The following GMPR variants were observed in gnomAD, a reference collection of about 807,000 sequenced individuals.
The protein encoded by GMPR is GMP reductase 1.
A neutral mutation model predicts 38.4 loss-of-function variants in GMPR; 31 were observed. The ratio of observed to expected loss-of-function variants is 0.81; its 90% CI spans 0.61 to 1.09. The LOEUF is 1.09. Ranked by LOEUF, GMPR falls within the 50% of genes least tolerant of loss-of-function variation. The probability of loss-of-function intolerance (pLI) is 0.00; values close to 1 mark genes in which losing one functional copy is unlikely to be tolerated. For missense variants in GMPR, 468 were observed against 453.7 expected, an observed-to-expected ratio of 1.03 and a Z score of -0.29; for synonymous variants, 162 against 173.3, an observed-to-expected ratio of 0.93 and a Z score of 0.51.
At chr6:16,267,429 C>G (rs566009900) in intron 4 of GMPR, among the ~76,000 whole-genome samples, 134 of 151,968 alleles carry the variant, frequency 8.8e-4, no homozygotes, top group African/African-American at 2.9e-3. Context: ...CTGAAGTCAG[C>G]GAGACCACGA....
At chr6:16,292,426 A>T (rs1358014343) in intron 8 of GMPR, among the ~76,000 whole-genome samples, 2 of 152,094 alleles carry the variant, frequency 1.3e-5, no homozygotes, top group Non-Finnish European at 2.9e-5. Context: ...AAGATATTAT[A>T]GTATGGGAAA....
intron 7 of GMPR, among the ~76,000 whole-genome samples, chr6:16,288,335 G>T (rs1393790524): frequency 3.9e-5 from 6 of 152,244 alleles, no homozygotes; most frequent in Admixed American, 6.5e-5. Context: ...GGCTTGGCAG[G>T]CCCTGCACTC....
chr6:16,257,671 G>A (rs1759006666), intron 4 of GMPR, among the ~76,000 whole-genome samples: 1 of 152,178 alleles, frequency 6.6e-6, no homozygotes, highest in African/African-American at 2.4e-5. Flanking sequence ...AGTTCTGGAG[G>A]CTGGAATTCC....
At chr6:16,246,445 C>G (rs184696595) in intron 1 of GMPR, among the ~76,000 whole-genome samples, 3 of 152,104 alleles carry the variant, frequency 2.0e-5, no homozygotes, top group South Asian at 2.1e-4. Flanking sequence ...GAGTGTGGCT[C>G]TAGGTGAAAG....
chr6:16,291,046 G>T (rs1429008580), intron 8 of GMPR, among the ~76,000 whole-genome samples: 1 of 152,106 alleles, frequency 6.6e-6, no homozygotes, highest in Admixed American at 6.5e-5. Flanking sequence ...CCATAGGTGT[G>T]GTCTAGACCA....
Position 16,285,867 on chromosome 6 carries a change from A to C in GMPR, c.697+32A>C, listed in dbSNP as rs756072496. The C allele has an allele frequency of 1.5e-5, 23 of 1,550,432 alleles. No individual in the cohort carries two copies. In the South Asian group the frequency reaches 2.4e-4, roughly 16 times the overall value. ...CCGGGCCCTGGTGCAGAGGGAGGGAAGGAAGGAAGGAGGGAGCTCCCTACA... is the reference window on the plus strand; with the variant it reads ...CCGGGCCCTGGTGCAGAGGGAGGGACGGAAGGAAGGAGGGAGCTCCCTACA... On this transcript the variant is annotated intron_variant, in intron 7 of 8. Transcript: ENST00000259727.
rs1281037036 is a variant in GMPR, at chr6:16,274,447, AGAG to A, written c.499_501del (p.Glu167del). On this transcript the variant is annotated inframe_deletion, in exon 5 of 9. Coordinates refer to ENST00000259727, the MANE Select transcript of GMPR (RefSeq NM_006877.4). ...ACGTGGTGACAGGAGAAATGGTAGA[AGAG>A]CTTATTCTTTCCGGAGCAGATATCA... The A allele has an allele frequency of 3.1e-6, 5 of 1,610,020 alleles. No individual in the cohort carries two copies. The South Asian group carries it at 5.5e-5, about 18-fold the overall frequency.
intron 7 of GMPR, among the ~76,000 whole-genome samples, chr6:16,289,224 C>G (rs1172810295): frequency 1.3e-5 from 2 of 152,184 alleles, no homozygotes; most frequent in East Asian, 3.8e-4. Context: ...AAAGCCTCAG[C>G]CGCGCCACCT....
intron 8 of GMPR, among the ~76,000 whole-genome samples, chr6:16,292,653 TC>T (rs1759862207): frequency 6.6e-6 from 1 of 152,154 alleles, no homozygotes; most frequent in South Asian, 2.1e-4. Context: ...TGCACATGTG[TC>T]CTCTGTGCCA....
At chr6:16,274,973 A>C (rs16877783) in intron 5 of GMPR, among the ~76,000 whole-genome samples, 11,487 of 152,140 alleles carry the variant, frequency 0.076, 771 homozygotes, top group African/African-American at 0.18. Flanking sequence ...ACCTTTGGTT[A>C]CTCACCTGAT....
chr6:16,277,213 A>T (rs1759488593), intron 5 of GMPR, among the ~76,000 whole-genome samples: 1 of 152,148 alleles, frequency 6.6e-6, no homozygotes, highest in African/African-American at 2.4e-5. Context: ...GAGCTACAGG[A>T]CTTCTGTGGA....
intron 4 of GMPR, chr6:16,263,336 G>T (rs1168920942): frequency 1.3e-5 from 2 of 151,952 alleles, no homozygotes; most frequent in Admixed American, 1.3e-4. Flanking sequence ...TGTCGAGTTT[G>T]TATTGGGGTC....
chr6:16,270,304 G>T (rs774942527), intron 4 of GMPR, among the ~76,000 whole-genome samples: 7 of 152,176 alleles, frequency 4.6e-5, no homozygotes, highest in Non-Finnish European at 8.8e-5. Context: ...GCCTGCCTCA[G>T]TGCTCTGGAC....
intron 5 of GMPR, 30 bp from the exon 6 acceptor site, chr6:16,278,754 T>C (rs1339374291): frequency 7.0e-7 from 1 of 1,436,530 alleles, no homozygotes. Flanking sequence ...TATAACCATC[T>C]ATTTGGGGAC....
intron 7 of GMPR, among the ~76,000 whole-genome samples, chr6:16,287,652 G>T (rs1190003290): frequency 6.6e-6 from 1 of 152,232 alleles, no homozygotes; most frequent in Non-Finnish European, 1.5e-5. Flanking sequence ...TGCCGCAGAG[G>T]TGCTGTGCTC....
At chr6:16,279,828 T>C (rs1759545396) in intron 6 of GMPR, among the ~76,000 whole-genome samples, 1 of 152,152 alleles carries the variant, frequency 6.6e-6, no homozygotes, top group African/African-American at 2.4e-5. Context: ...TAGGGAGCTA[T>C]TGCAGAGGTC....
chr6:16,238,620 G>C lies in GMPR; in HGVS notation c.-74G>C, dbSNP rs1172322723. 2.2e-6 allele frequency: 1 copy of C among 453,776 alleles called. No homozygotes were observed. The highest frequency in any genetic ancestry group is 3.0e-6 in the Non-Finnish European group (1 of 330,710). 28.1% of individuals were successfully genotyped at this position (453,776 alleles called of 1,614,324 possible). On this transcript the variant is annotated 5_prime_UTR_variant, in exon 1 of 9. Transcript: ENST00000259727. Reference sequence around the variant, plus strand: ...TCCCGGCCGCGGCACAGCAGCCCCGGCGCTCCCCGCGCCGCCCCGCGCAGG... The same window carrying C: ...TCCCGGCCGCGGCACAGCAGCCCCGCCGCTCCCCGCGCCGCCCCGCGCAGG...
At chr6:16,289,540 T>A (rs1366912859) in intron 7 of GMPR, 3 of 152,284 alleles carry the variant, frequency 2.0e-5, no homozygotes, top group Non-Finnish European at 4.4e-5. Flanking sequence ...CTGTCTCCTG[T>A]GCCTGTCCTG....
chr6:16,294,179 A>T (rs1283721641), intron 8 of GMPR, among the ~76,000 whole-genome samples: 2 of 152,158 alleles, frequency 1.3e-5, no homozygotes, highest in African/African-American at 2.4e-5. Context: ...GAAAATGTGA[A>T]CGTTGCTATC....
Sources: allele counts gnomAD v4.1 joint callset (sites outside exome capture counted in the v4.1 genomes callset), GRCh38; gene constraint gnomAD v4.1.1; transcripts MANE v1.5; gene names NCBI Gene and HGNC (gene_info 2026-07-23, HGNC 2026-07-21).